Variants in TGOLN2 observed in about 807,000 individuals in gnomAD.
TGOLN2 encodes trans-Golgi network integral membrane protein 2.
In TGOLN2, 19 loss-of-function variants were observed where a neutral mutation model predicts 31.3. That is an observed-to-expected ratio of 0.61 (90% CI 0.42 to 0.89). The LOEUF is 0.89. Ranked by LOEUF, TGOLN2 falls within the 40% of genes least tolerant of loss-of-function variation. The pLI, the probability that TGOLN2 is intolerant of heterozygous loss-of-function variation, is 0.00. For synonymous variants in TGOLN2, 222 were observed against 226.7 expected (o/e 0.98, Z 0.19); for missense variants, 540 against 559.2 (o/e 0.97, Z 0.35).
intron 2 of TGOLN2, 65 bp downstream of exon 2, chr2:85,326,443 C>A: frequency 6.5e-7 from 1 of 1,538,392 alleles, no homozygotes; most frequent in Non-Finnish European, 8.9e-7. Context: ...GGGATACCCA[C>A]CCACACCCAA....
At chr2:85,324,629 G>GAAAA in intron 3 of TGOLN2, 2 of 413,090 alleles carry the variant, frequency 4.8e-6, no homozygotes, top group Non-Finnish European at 4.3e-6. Flanking sequence ...AAACTTAGCG[G>GAAAA]AAAAAAAAAA....
rs188800844 is a variant in TGOLN2 at position 85,324,907 on chromosome 2, T to C, written c.1308+8A>G. The C allele has an allele frequency of 7.1e-6, 11 of 1,553,506 alleles. No individual in the cohort carries two copies. The East Asian group carries it at 2.4e-4, about 34-fold the overall frequency. ...TCCCTCCCATGGACCTGGCTCCTCC[T>C]TCCTTACCTTCTGGTCCAAACGTTG... On this transcript the variant is annotated splice_region_variant and intron_variant, in intron 3 of 3. Coordinates refer to ENST00000377386, the MANE Select transcript of TGOLN2 (RefSeq NM_006464.4).
At position 85,327,273 on chromosome 2, in the gene TGOLN2, C is replaced by T; in HGVS notation, c.459G>A (p.Arg153=). ...EAQTPEDSPN[R]SGAEAKTQKD... ...TTTGGGTCTTTGCCTCCGCACCCGA[C>T]CTGTTGGGGCTGTCTTCTGGGGTCT... The change falls in exon 2 of 4, where the codon AGG becomes AGA. Residue 153 remains arginine, a synonymous_variant. Transcript: ENST00000377386. The T allele has an allele frequency of 6.2e-7, 1 of 1,611,540 alleles. No homozygotes were observed. Among genetic ancestry groups the T allele is most frequent in the Non-Finnish European group, 8.5e-7 (1 of 1,178,278 alleles).
rs936177765 is a variant in TGOLN2, at chr2:85,318,783, C to A, written c.*3953G>T. On this transcript the variant is annotated 3_prime_UTR_variant, in exon 4 of 4. Coordinates refer to ENST00000377386, the MANE Select transcript of TGOLN2 (RefSeq NM_006464.4). ...TATGTAACTAGCTGTCAGGTCTTTC[C>A]CCGTTGCCTCAGCCTTTCTACACAG... is the stretch of plus-strand genomic sequence containing the variant. 1 of 152,114 alleles carries A rather than the reference C, an allele frequency of 6.6e-6. No homozygotes were observed. Among genetic ancestry groups the A allele is most frequent in the African/African-American group, 2.4e-5 (1 of 41,378 alleles). 9.4% of individuals were successfully genotyped at this position (152,114 alleles called of 1,614,324 possible).
intron 2 of TGOLN2, 112 bp downstream of exon 2, chr2:85,326,396 G>T: frequency 9.5e-7 from 1 of 1,049,682 alleles, no homozygotes; most frequent in Non-Finnish European, 1.4e-6. Flanking sequence ...ACTGAAGTTT[G>T]TTTTAAAGTC....
In TGOLN2 at chr2:85,326,526, A is replaced by G. The variant is rs748556577; in HGVS notation, c.1206T>C (p.Ala402=). The change falls in exon 2 of 4, where the codon GCT becomes GCC. Residue 402 remains alanine (A), a synonymous_variant. Coordinates refer to ENST00000377386, the MANE Select transcript of TGOLN2 (RefSeq NM_006464.4). ...GACTTACCTTCCGCTTGTTGTGATG[A>G]GCGATATAGAGGACAGCCACAAGAA... ...AAILVAVLYI[A]HHNKRKIIAF... 2 of 1,612,582 alleles carry G rather than the reference A, an allele frequency of 1.2e-6. No individual in the cohort carries two copies. Among genetic ancestry groups the G allele is most frequent in the African/African-American group, 1.3e-5 (1 of 74,916 alleles).
rs1682578712 is a variant in TGOLN2 at position 85,322,430 on chromosome 2, C to T, written c.*306G>A. ...AGCCGTGTTTCCATATACCCCTCCA[C>T]TCACCCTCAGAGGAGGAACGGATGG... On this transcript the variant is annotated 3_prime_UTR_variant, in exon 4 of 4. Transcript: ENST00000377386. The T allele has an allele frequency of 1.6e-5, 8 of 492,962 alleles. 1 individual carries two copies. In the South Asian group the frequency reaches 1.6e-4, roughly 10 times the overall value. The allele number at this position is 492,962 out of a possible 1,614,324, so 30.5% of individuals were successfully genotyped here.
At chr2:85,326,405 T>A (rs1682728821) in intron 2 of TGOLN2, 103 bp downstream of exon 2, 1 of 1,124,442 alleles carries the variant, frequency 8.9e-7, no homozygotes, top group South Asian at 1.5e-5. Flanking sequence ...TGTTTTAAAG[T>A]CCCCAGTGCT....
In TGOLN2 at chr2:85,320,649, G is replaced by C. The variant is rs114672415; in HGVS notation, c.*2087C>G. ...CTGGGTTCTTTAGGGATTAAGCCAA[G>C]ACAAAGACTTGGGAATCACTCACTC... is the stretch of plus-strand genomic sequence containing the variant. On this transcript the variant is annotated 3_prime_UTR_variant, in exon 4 of 4. Transcript: ENST00000377386. 1,270 of 152,312 alleles carry C rather than the reference G, an allele frequency of 8.3e-3. 18 individuals carry two copies. The highest frequency in any genetic ancestry group is 0.012 in the Non-Finnish European group (791 of 68,038). The allele number at this position is 152,312 out of a possible 1,614,324, so 9.4% of individuals were successfully genotyped here.
chr2:85,322,913 T>A, intron 3 of TGOLN2, 172 bp from the exon 4 acceptor site: 13 of 1,157,642 alleles, frequency 1.1e-5, no homozygotes, highest in Non-Finnish European at 1.6e-5. Context: ...GAGAGAGGAA[T>A]CCTGGCTTCT....
chr2:85,327,417 T>C lies in TGOLN2; in HGVS notation c.315A>G (p.Gln105=). Residue 105 remains glutamine, a synonymous_variant, in exon 2 of 4, where the codon CAA becomes CAG. Coordinates refer to ENST00000377386, the MANE Select transcript of TGOLN2 (RefSeq NM_006464.4). ...SNKSGAEAKT[Q]KGSTSKSGSE... ...AACCCGACTTGCTAGTGCTGCCTTT[T>C]TGGGTCTTTGCCTCCGCACCCGACT... 1 of 1,612,218 alleles carries C rather than the reference T, an allele frequency of 6.2e-7. No homozygotes were observed. The highest frequency in any genetic ancestry group is 1.3e-5 in the African/African-American group (1 of 74,568).
At position 85,320,608 on chromosome 2, in the gene TGOLN2, T is replaced by A. The variant is rs1277006425; in HGVS notation, c.*2128A>T. 1.3e-5 allele frequency: 2 copies of A among 152,160 alleles called. No homozygotes were observed. Among genetic ancestry groups the A allele is most frequent in the Admixed American group, 6.5e-5 (1 of 15,272 alleles). The allele number at this position is 152,160 out of a possible 1,614,324, so 9.4% of individuals were successfully genotyped here. On this transcript the variant is annotated 3_prime_UTR_variant, in exon 4 of 4. Transcript: ENST00000377386. ...TTTCAATGACAACCAAGCTGAACTATTCGATACCAGCAGAACTGGGTTCTT... is the reference window on the plus strand; with the variant it reads ...TTTCAATGACAACCAAGCTGAACTAATCGATACCAGCAGAACTGGGTTCTT...
At chr2:85,327,763 A>C in intron 1 of TGOLN2, 78 bp from the exon 2 acceptor site, 7 of 715,234 alleles carry the variant, frequency 9.8e-6, no homozygotes, top group African/African-American at 2.1e-5. Flanking sequence ...AGAGATCGGG[A>C]GCAGCGGGGG....
rs3184780 is a variant in TGOLN2, at chr2:85,322,424, C to T, written c.*312G>A. 261,843 of 475,852 alleles carry T rather than the reference C, an allele frequency of 0.55. 74,103 individuals carry two copies. Among genetic ancestry groups the T allele is most frequent in the East Asian group, 0.85 (18,993 of 22,262 alleles). 29.5% of individuals were successfully genotyped at this position (475,852 alleles called of 1,614,324 possible). On this transcript the variant is annotated 3_prime_UTR_variant, in exon 4 of 4. Transcript: ENST00000377386. ...GGTCATAGCCGTGTTTCCATATACC[C>T]CTCCACTCACCCTCAGAGGAGGAAC...
At chr2:85,323,490 C>T (rs1327564571) in intron 3 of TGOLN2, among the ~76,000 whole-genome samples, 3 of 152,010 alleles carry the variant, frequency 2.0e-5, no homozygotes, top group African/African-American at 4.8e-5. Flanking sequence ...TGCTTGAACC[C>T]GGGTGGTGGA....
At position 85,327,988 on chromosome 2, in the gene TGOLN2, C is replaced by T. The variant is rs778507695; in HGVS notation, c.-26G>A. On this transcript the variant is annotated 5_prime_UTR_variant, in exon 1 of 4. Transcript: ENST00000377386. ...CCTGCTCGGATAGCGCTTCCGCCCT[C>T]TAATGCTCTCGCGAGATCCGCGCGC... 8 of 1,569,624 alleles carry T rather than the reference C, an allele frequency of 5.1e-6. No homozygotes were observed. The highest frequency in any genetic ancestry group is 6.9e-6 in the Non-Finnish European group (8 of 1,157,808).
intron 2 of TGOLN2, 127 bp from the exon 3 acceptor site, chr2:85,325,125 C>A (rs915884463): frequency 2.6e-5 from 20 of 783,410 alleles, no homozygotes; most frequent in Middle Eastern, 5.6e-4. Context: ...GAGCAGTACA[C>A]TCACAGAGGT....
chr2:85,320,628 G>T lies in TGOLN2; in HGVS notation c.*2108C>A, dbSNP rs1006918068. On this transcript the variant is annotated 3_prime_UTR_variant, in exon 4 of 4. Transcript: ENST00000377386. Reference sequence around the variant, plus strand: ...AACTATTCGATACCAGCAGAACTGGGTTCTTTAGGGATTAAGCCAAGACAA... The same window carrying T: ...AACTATTCGATACCAGCAGAACTGGTTTCTTTAGGGATTAAGCCAAGACAA... 6.6e-6 allele frequency: 1 copy of T among 152,184 alleles called. No individual in the cohort carries two copies. Among genetic ancestry groups the T allele is most frequent in the Non-Finnish European group, 1.5e-5 (1 of 68,042 alleles). 9.4% of individuals were successfully genotyped at this position (152,184 alleles called of 1,614,324 possible). A position where few individuals can be genotyped will look rare whatever the true frequency, so the allele number is the denominator to read the frequency against.
Position 85,327,439 on chromosome 2 carries a change from G to T in TGOLN2, c.293C>A (p.Ser98Ter), listed in dbSNP as rs759378609. 3 of 1,612,366 alleles carry T rather than the reference G, an allele frequency of 1.9e-6. No individual in the cohort carries two copies. The highest frequency in any genetic ancestry group is 8.5e-7 in the Non-Finnish European group (1 of 1,179,234). The change falls in exon 2 of 4, where the codon TCG becomes TAG. Residue 98 changes from serine to a stop codon, truncating the protein, a stop_gained. Transcript: ENST00000377386. LOFTEE classifies it high-confidence loss of function. The part of the protein sequence containing the change: ...AKTQKDSSNK[S>*]GAEAKTQKGS... The stretch of plus-strand genomic sequence containing the variant: ...TTTTTGGGTCTTTGCCTCCGCACCC[G>T]ACTTGTTGGAGCTGTCTTTTTGGGT...
Sources: allele counts gnomAD v4.1 joint callset (sites outside exome capture counted in the v4.1 genomes callset), GRCh38; gene constraint gnomAD v4.1.1; transcripts MANE v1.5; gene names NCBI Gene and HGNC (gene_info 2026-07-23, HGNC 2026-07-21).